The following SLC12A3 variants were observed in gnomAD, a reference collection of about 807,000 sequenced individuals.
SLC12A3 encodes the protein solute carrier family 12 member 3.
A neutral mutation model predicts 121.0 loss-of-function variants in SLC12A3; 104 were observed. That is an observed-to-expected ratio of 0.86 (90% CI 0.73 to 1.01). SLC12A3 has a LOEUF of 1.01. Among genes scored for constraint, SLC12A3 ranks in the 50% least tolerant of loss-of-function variants. SLC12A3 has a pLI of 0.00. For synonymous variants in SLC12A3, 536 were observed against 533.4 expected (o/e 1.00, Z -0.07); for missense variants, 1,328 against 1,356.3 (o/e 0.98, Z 0.33).
At chr16:56,906,496 G>T (rs2055609704) in intron 25 of SLC12A3, 1 of 189,406 alleles carries the variant, frequency 5.3e-6, no homozygotes, top group Admixed American at 6.0e-5. Flanking sequence ...GTCCATGAGG[G>T]TTTTTCCTCC....
In SLC12A3 at chr16:56,913,266, C is replaced by G. The variant is rs1453657520; in HGVS notation, c.2927C>G (p.Thr976Ser). The G allele has an allele frequency of 6.2e-7, 1 of 1,614,140 alleles. No individual in the cohort carries two copies. Among genetic ancestry groups the G allele is most frequent in the Non-Finnish European group, 8.5e-7 (1 of 1,180,022 alleles). Residue 976 changes from threonine (T) to serine (S), a missense_variant and splice_region_variant, in exon 26 of 26, where the codon ACT (threonine) becomes AGT (serine). Coordinates refer to ENST00000563236, the MANE Select transcript of SLC12A3 (RefSeq NM_001126108.2). Reference protein sequence around the residue: ...YSRDAALIVITLPIGRKGKCP... With the variant: ...YSRDAALIVISLPIGRKGKCP... ...TACCACTTTTTCATGCCTTGCAGCA[C>G]TTTGCCCATAGGGAGGAAGGGGAAG...
intron 24 of SLC12A3, 101 bp downstream of exon 24, chr16:56,902,609 A>C (rs922450536): frequency 1.4e-5 from 20 of 1,433,762 alleles, no homozygotes; most frequent in East Asian, 9.7e-5. Flanking sequence ...TCGATCCTCC[A>C]CCCTGCCTTC....
In SLC12A3 at chr16:56,882,495, C is replaced by T. The variant is rs1239220368; in HGVS notation, c.1667C>T (p.Pro556Leu). Residue 556 changes from proline to leucine, a missense_variant and splice_region_variant, in exon 13 of 26, where the codon CCT becomes CTT. Pro to Leu is a moderately conservative substitution (Grantham distance 98). Transcript: ENST00000563236. ...TTCCACGCCTCCATCACCAACTCGC[C>T]TGGTAAGCAAACCCTTCACCCACCT... ...SCFHASITNS[P>L]GWRPSFQYYN... 1.2e-6 allele frequency: 2 copies of T among 1,612,554 alleles called. No individual in the cohort carries two copies. Among genetic ancestry groups the T allele is most frequent in the Admixed American group, 3.3e-5 (2 of 59,996 alleles).
chr16:56,894,215 G>A (rs1248481249), intron 21 of SLC12A3, among the ~76,000 whole-genome samples: 1 of 152,096 alleles, frequency 6.6e-6, no homozygotes, highest in Non-Finnish European at 1.5e-5. Flanking sequence ...ATGTTGGCCA[G>A]GTTGGTCTTG....
At chr16:56,880,024 G>T in intron 11 of SLC12A3, 106 bp from the exon 12 acceptor site, 1 of 1,410,686 alleles carries the variant, frequency 7.1e-7, no homozygotes, top group South Asian at 1.2e-5. Context: ...ACCCAGGTTG[G>T]GGAGGTCACG....
chr16:56,870,318 C>T lies in SLC12A3; in HGVS notation c.741+83C>T, dbSNP rs1179114380. On this transcript the variant is annotated intron_variant, in intron 5 of 25. Transcript: ENST00000563236. ...CTCCGCCCCATCTGGGCTGGGGCCTCCTGCTGCTCTGCCTGACTTCACCCA... is the reference window on the plus strand; with the variant it reads ...CTCCGCCCCATCTGGGCTGGGGCCTTCTGCTGCTCTGCCTGACTTCACCCA... The T allele has an allele frequency of 2.6e-5, 37 of 1,435,040 alleles. No homozygotes were observed. In the East Asian group the frequency reaches 2.6e-4, roughly 10 times the overall value. 88.9% of individuals were successfully genotyped at this position (1,435,040 alleles called of 1,614,324 possible). A position where few individuals can be genotyped will look rare whatever the true frequency, so the allele number is the denominator to read the frequency against.
intron 23 of SLC12A3, among the ~76,000 whole-genome samples, chr16:56,901,461 C>T (rs1195427919): frequency 2.6e-5 from 4 of 151,716 alleles, no homozygotes; most frequent in African/African-American, 4.9e-5. Flanking sequence ...TGCCTCAGTC[C>T]TCTGAGTAGC....
chr16:56,891,788 G>A (rs572101031), intron 19 of SLC12A3, among the ~76,000 whole-genome samples: 17 of 152,380 alleles, frequency 1.1e-4, no homozygotes, highest in African/African-American at 4.1e-4. Flanking sequence ...TTTTGCTGAG[G>A]AGGCCAGGGC....
intron 24 of SLC12A3, 23 bp downstream of exon 24, chr16:56,902,531 G>GGGGGTCCC: frequency 1.4e-6 from 1 of 714,568 alleles, no homozygotes; most frequent in East Asian, 4.1e-5. Flanking sequence ...GTGGGGGTGG[G>GGGGGTCCC]AAACGCGACA....
intron 11 of SLC12A3, 42 bp from the exon 12 acceptor site, chr16:56,880,088 C>T (rs1451344275): frequency 6.3e-7 from 1 of 1,595,802 alleles, no homozygotes; most frequent in African/African-American, 1.3e-5. Context: ...GGGGAAGTGG[C>T]AGGTCCCAGC....
chr16:56,883,858 C>A (rs374182921), intron 13 of SLC12A3, among the ~76,000 whole-genome samples, 191 bp from the exon 14 acceptor site: 1 of 152,214 alleles, frequency 6.6e-6, no homozygotes, highest in African/African-American at 2.4e-5. Context: ...CCAAAGCAGG[C>A]GTGTGATTTG....
rs1461589598 is a variant in SLC12A3 at position 56,879,202 on chromosome 16, A to C, written c.1310A>C (p.His437Pro). 1 of 1,613,954 alleles carries C rather than the reference A, an allele frequency of 6.2e-7. No individual in the cohort carries two copies. The highest frequency in any genetic ancestry group is 2.2e-5 in the East Asian group (1 of 44,882). The change falls in exon 10 of 26, where the codon CAC (histidine) becomes CCC (proline). Residue 437 changes from histidine (H) to proline (P), a missense_variant. By Grantham distance (77) the His-to-Pro change is moderately conservative. Transcript: ENST00000563236. ...GAGTGCACCCAGCAGCACAGCTGCC[A>C]CTACGGCCTCATCAACTATTACCAG... ...FTECTQQHSC[H>P]YGLINYYQTM...
chr16:56,884,761 G>GT (rs2055288200), intron 14 of SLC12A3, among the ~76,000 whole-genome samples: 2 of 152,074 alleles, frequency 1.3e-5, no homozygotes, highest in African/African-American at 4.8e-5. Context: ...AGCTTGAGGT[G>GT]TAACTTTTTT....
At chr16:56,890,252 A>ACCT in intron 18 of SLC12A3, 22 bp from the exon 19 acceptor site, 1 of 1,600,650 alleles carries the variant, frequency 6.2e-7, no homozygotes, top group Non-Finnish European at 8.6e-7. Context: ...GAGAAGCTGG[A>ACCT]CCTCACCTCC....
chr16:56,914,568 G>A lies in SLC12A3; in HGVS notation c.*1163G>A, dbSNP rs926825993. 3 of 152,256 alleles carry A rather than the reference G, an allele frequency of 2.0e-5. No individual in the cohort carries two copies. The highest frequency in any genetic ancestry group is 2.0e-4 in the Admixed American group (3 of 15,288). The allele number at this position is 152,256 out of a possible 1,614,324, so 9.4% of individuals were successfully genotyped here. On this transcript the variant is annotated 3_prime_UTR_variant, in exon 26 of 26. Coordinates refer to ENST00000563236, the MANE Select transcript of SLC12A3 (RefSeq NM_001126108.2). The stretch of plus-strand genomic sequence containing the variant: ...GTGCCTTGCATTTGTCCACACACAG[G>A]GAGTCTGGCTGAGCTGGGGAAAGGC...
chr16:56,877,676 G>T (rs983179851), intron 8 of SLC12A3, among the ~76,000 whole-genome samples: 1 of 152,190 alleles, frequency 6.6e-6, no homozygotes, highest in Non-Finnish European at 1.5e-5. Flanking sequence ...CCAGCTGGCC[G>T]CCTGGAAGTG....
At position 56,873,374 on chromosome 16, in the gene SLC12A3, C is replaced by CTTT. The variant is rs59478629; in HGVS notation, c.1095+615_1095+617dup. Among the ~76,000 whole-genome samples, 301 of 75,316 alleles carry CTTT rather than the reference C, an allele frequency of 4.0e-3. 10 individuals are homozygous for CTTT. The highest frequency in any genetic ancestry group is 6.6e-3 in the African/African-American group (125 of 19,018). 49.4% of individuals were successfully genotyped at this position (75,316 alleles called of 152,430 possible). On this transcript the variant is annotated intron_variant, in intron 8 of 25. Coordinates refer to ENST00000563236, the MANE Select transcript of SLC12A3 (RefSeq NM_001126108.2). ...AAGTCTGTTCTGTTTCTCTTTCTTT[C>CTTT]TTTTTTTTTTTTTTTTTTTTTTTTT...
rs144820554 is a variant in SLC12A3, at chr16:56,886,980, C to T, written c.2065C>T (p.Leu689Phe). ...IGPHKQRMPE[L>F]QLIANGHTKW... Reference sequence around the variant, plus strand: ...ACCCCACAAGCAGAGGATGCCTGAGCTCCAGCTCATCGCCAACGGGCACAC... The same window carrying T: ...ACCCCACAAGCAGAGGATGCCTGAGTTCCAGCTCATCGCCAACGGGCACAC... The change falls in exon 17 of 26, where the codon CTC becomes TTC. Residue 689 changes from leucine to phenylalanine, a missense_variant. Leu to Phe is a conservative substitution (Grantham distance 22). Transcript: ENST00000563236. 4.3e-6 allele frequency: 7 copies of T among 1,613,732 alleles called. No homozygotes were observed. The African/African-American group carries it at 6.7e-5, about 15-fold the overall frequency.
chr16:56,867,044 C>G (rs1407691320), intron 1 of SLC12A3, 26 bp from the exon 2 acceptor site: 3 of 1,608,794 alleles, frequency 1.9e-6, no homozygotes, highest in Non-Finnish European at 2.5e-6. Flanking sequence ...CCCTACCTGC[C>G]TGACTTGTGG....
Sources: gnomAD v4.1 joint callset for allele counts (sites outside exome capture counted in the v4.1 genomes callset) on GRCh38, gnomAD v4.1.1 for gene constraint, MANE v1.5 for transcripts, NCBI Gene and HGNC (gene_info 2026-07-23, HGNC 2026-07-21) for gene names.